Variants in NEURL1 observed in about 807,000 individuals in gnomAD.
The protein encoded by NEURL1 is neuralized E3 ubiquitin protein ligase 1.
NEURL1 carries 26 observed loss-of-function variants against 41.2 expected under a neutral mutation model. That is an observed-to-expected ratio of 0.63 (90% CI 0.46 to 0.87). The LOEUF (loss-of-function observed/expected upper bound fraction) is 0.87, where lower values mean the gene tolerates loss of function less well. Among genes scored for constraint, NEURL1 ranks in the 40% least tolerant of loss-of-function variants. The probability of loss-of-function intolerance (pLI) is 0.00; values close to 1 mark genes in which losing one functional copy is unlikely to be tolerated. For synonymous variants in NEURL1, 400 were observed against 402.3 expected (o/e 0.99, Z 0.07); for missense variants, 761 against 871.1 (o/e 0.87, Z 1.59).
intron 1 of NEURL1, among the ~76,000 whole-genome samples, chr10:103,511,354 T>C (rs904602140): frequency 4.6e-5 from 7 of 152,170 alleles, no homozygotes; most frequent in African/African-American, 1.7e-4. Context: ...GGGGTCCCAC[T>C]GGGCTATGGA....
At position 103,558,650 on chromosome 10, in the gene NEURL1, C is replaced by T. The variant is rs1038275892; in HGVS notation, c.86-12222C>T. On this transcript the variant is annotated intron_variant, in intron 1 of 5. Transcript: ENST00000369780. The surrounding 1 kb of genome is among the most constrained non-coding windows in gnomAD (Gnocchi z 4.2). ...TTGGAAAATGGTTTAAGCGGTTACA[C>T]GCTTGATCTCTTCCATTCGGTAGGT... Among the ~76,000 whole-genome samples the T allele has an allele frequency of 1.3e-4, 20 of 152,246 alleles. No individual in the cohort carries two copies. Among genetic ancestry groups the T allele is most frequent in the Admixed American group, 1.1e-3 (17 of 15,290 alleles).
At chr10:103,548,218 A>G (rs1463085134) in intron 1 of NEURL1, among the ~76,000 whole-genome samples, 1 of 152,228 alleles carries the variant, frequency 6.6e-6, no homozygotes, top group Admixed American at 6.5e-5. Flanking sequence ...CACCCATGCA[A>G]TCATACATGC....
chr10:103,527,612 T>A (rs2034487863), intron 1 of NEURL1, among the ~76,000 whole-genome samples: 1 of 152,058 alleles, frequency 6.6e-6, no homozygotes, highest in Non-Finnish European at 1.5e-5. Context: ...TCTCGTTTCA[T>A]CAGCAGGGTC....
chr10:103,545,272 C>G lies in NEURL1; in HGVS notation c.86-25600C>G, dbSNP rs1293469002. On this transcript the variant is annotated intron_variant, in intron 1 of 5. Coordinates refer to ENST00000369780, the MANE Select transcript of NEURL1 (RefSeq NM_004210.5). The surrounding 1 kb of genome is among the most constrained non-coding windows in gnomAD (Gnocchi z 4.5). ...CTGACAGCCACCTTTGGTGGCCACA[C>G]CTGAACTCTGGCTCAGGAGGGTGGG... Among the ~76,000 whole-genome samples the G allele has an allele frequency of 6.6e-6, 1 of 152,222 alleles. No homozygotes were observed. Among genetic ancestry groups the G allele is most frequent in the Non-Finnish European group, 1.5e-5 (1 of 68,048 alleles).
intron 1 of NEURL1, among the ~76,000 whole-genome samples, chr10:103,535,140 T>A (rs72848965): frequency 1.3e-5 from 2 of 151,920 alleles, no homozygotes; most frequent in Non-Finnish European, 2.9e-5. Flanking sequence ...ATCCTGACTG[T>A]GTGATGCCAG....
intron 3 of NEURL1, among the ~76,000 whole-genome samples, chr10:103,574,668 C>T (rs370962427): frequency 6.6e-6 from 1 of 152,190 alleles, no homozygotes; most frequent in Non-Finnish European, 1.5e-5. Context: ...TGAAGTGGAA[C>T]ACGACAGACG....
intron 1 of NEURL1, among the ~76,000 whole-genome samples, chr10:103,564,155 G>A (rs2035367701): frequency 6.6e-6 from 1 of 152,226 alleles, no homozygotes; most frequent in South Asian, 2.1e-4. Flanking sequence ...ACCCCGCTGA[G>A]AGGCAGGAAT....
rs751908327 is a variant in NEURL1 at position 103,589,469 on chromosome 10, C to T, written c.1340-45C>T. ...GGGACAGAGCTTTCTCCAGTTTGGCCTGGGCAGGCAGCTAGTGTGTCCTTC... is the reference window on the plus strand; with the variant it reads ...GGGACAGAGCTTTCTCCAGTTTGGCTTGGGCAGGCAGCTAGTGTGTCCTTC... On this transcript the variant is annotated intron_variant, in intron 4 of 5. Coordinates refer to ENST00000369780, the MANE Select transcript of NEURL1 (RefSeq NM_004210.5). 6 of 1,540,776 alleles carry T rather than the reference C, an allele frequency of 3.9e-6. No individual in the cohort carries two copies. The Admixed American group carries it at 1.1e-4, about 29-fold the overall frequency.
At chr10:103,571,135 G>GC in intron 2 of NEURL1, 22 bp downstream of exon 2, 1 of 1,554,550 alleles carries the variant, frequency 6.4e-7, no homozygotes, top group Non-Finnish European at 8.8e-7. Flanking sequence ...CCCTGCCCCC[G>GC]CCCCCGCCTC....
intron 1 of NEURL1, among the ~76,000 whole-genome samples, chr10:103,499,819 A>G (rs897162674): frequency 6.6e-6 from 1 of 151,562 alleles, no homozygotes; most frequent in Non-Finnish European, 1.5e-5. Context: ...CTCATCCCAG[A>G]TATTGCCACA....
chr10:103,588,567 G>C (rs1360372028), intron 4 of NEURL1, among the ~76,000 whole-genome samples: 2 of 152,110 alleles, frequency 1.3e-5, no homozygotes, highest in African/African-American at 4.8e-5. Flanking sequence ...GTCTGCACGG[G>C]GCCTGATGCC....
intron 1 of NEURL1, among the ~76,000 whole-genome samples, chr10:103,557,757 T>C (rs2035187539): frequency 6.6e-6 from 1 of 152,276 alleles, no homozygotes; most frequent in African/African-American, 2.4e-5. Context: ...TTTCACCTTC[T>C]TCTGGGAAAT....
At chr10:103,573,731 C>T (rs2035597190) in intron 3 of NEURL1, among the ~76,000 whole-genome samples, 1 of 152,180 alleles carries the variant, frequency 6.6e-6, no homozygotes, top group Admixed American at 6.5e-5. Flanking sequence ...CCTGAGAAAG[C>T]CACAGTCTTG....
chr10:103,549,542 C>T (rs1304958299), intron 1 of NEURL1, among the ~76,000 whole-genome samples: 1 of 152,246 alleles, frequency 6.6e-6, no homozygotes, highest in Non-Finnish European at 1.5e-5. Context: ...CTATTCTCTA[C>T]TGCCAGGCCC....
At chr10:103,551,597 C>G (rs2035033195) in intron 1 of NEURL1, among the ~76,000 whole-genome samples, 1 of 152,194 alleles carries the variant, frequency 6.6e-6, no homozygotes, top group Admixed American at 6.5e-5. Context: ...AGCCACTGTG[C>G]CCGGCCCCAA....
chr10:103,503,536 C>G (rs3014208), intron 1 of NEURL1, among the ~76,000 whole-genome samples: 120,833 of 151,886 alleles, frequency 0.8, 48,273 homozygotes, highest in East Asian at 1. Flanking sequence ...CTGATGGGGA[C>G]GGTAAGAGGT....
At chr10:103,530,144 A>C (rs1296099517) in intron 1 of NEURL1, among the ~76,000 whole-genome samples, 4 of 152,150 alleles carry the variant, frequency 2.6e-5, no homozygotes, top group Admixed American at 6.5e-5. Flanking sequence ...CTCAAAAAAA[A>C]CCAACTTTTT....
intron 3 of NEURL1, among the ~76,000 whole-genome samples, chr10:103,579,761 G>C (rs1221057462): frequency 6.6e-6 from 1 of 152,128 alleles, no homozygotes; most frequent in South Asian, 2.1e-4. Flanking sequence ...GGGAAACCTA[G>C]TGAAACCCTG....
intron 1 of NEURL1, among the ~76,000 whole-genome samples, chr10:103,515,159 C>A (rs1382109139): frequency 7.6e-6 from 1 of 131,684 alleles, no homozygotes; most frequent in Non-Finnish European, 1.5e-5. Context: ...GCCTGGGAGG[C>A]GGAGGTTGCA....
Sources: allele counts gnomAD v4.1 joint callset (sites outside exome capture counted in the v4.1 genomes callset), GRCh38; gene constraint gnomAD v4.1.1; non-coding constraint Gnocchi (gnomAD v3.1); transcripts MANE v1.5; gene names NCBI Gene and HGNC (gene_info 2026-07-23, HGNC 2026-07-21).